The following MAP2K5 variants were observed in gnomAD, a reference collection of about 807,000 sequenced individuals.
MAP2K5 encodes mitogen-activated protein kinase kinase 5.
A neutral mutation model predicts 83.1 loss-of-function variants in MAP2K5; 49 were observed. That is an observed-to-expected ratio of 0.59 (90% CI 0.47 to 0.75). The LOEUF is 0.75. MAP2K5 is among the 30% of genes least tolerant of loss of function. MAP2K5 has a pLI of 0.00. For synonymous variants in MAP2K5, 202 were observed against 191.8 expected, an observed-to-expected ratio of 1.05 and a Z score of -0.44; for missense variants, 457 against 557.5, an observed-to-expected ratio of 0.82 and a Z score of 1.82.
In MAP2K5 at chr15:67,708,851, C is replaced by T. The variant is rs553134072; in HGVS notation, c.1044+5443C>T. On this transcript the variant is annotated intron_variant, in intron 16 of 21. Transcript: ENST00000178640. This position sits in a 1 kb window ranked among gnomAD's most constrained non-coding sequence, Gnocchi z 4.9. ...TACATTTATGCCTTAAGCAAAGAAACTTTAATATCAGACTATCTTTTATCC... is the reference window on the plus strand; with the variant it reads ...TACATTTATGCCTTAAGCAAAGAAATTTTAATATCAGACTATCTTTTATCC... 1.4e-3 allele frequency among the ~76,000 whole-genome samples: 210 copies of T among 152,008 alleles called. No homozygotes were observed. The highest frequency in any genetic ancestry group is 4.9e-3 in the African/African-American group (203 of 41,464).
At chr15:67,784,062 AG>A (rs1329699251) in intron 21 of MAP2K5, among the ~76,000 whole-genome samples, 34 of 152,326 alleles carry the variant, frequency 2.2e-4, no homozygotes, top group African/African-American at 7.9e-4. Context: ...TATTATATAG[AG>A]AGAAATGGAT....
At chr15:67,621,463 TTAA>T (rs2086185871) in intron 8 of MAP2K5, among the ~76,000 whole-genome samples, 1 of 127,750 alleles carries the variant, frequency 7.8e-6, no homozygotes, top group African/African-American at 2.8e-5. Context: ...CAAAAGTTAA[TTAA>T]GTGAAAATTC....
intron 3 of MAP2K5, among the ~76,000 whole-genome samples, chr15:67,574,156 G>C (rs781133067): frequency 2.6e-4 from 40 of 152,328 alleles, no homozygotes; most frequent in South Asian, 6.2e-4. Context: ...AGAGTGGCTT[G>C]GGGTAGAGAA....
chr15:67,792,966 C>T (rs2090544489), intron 21 of MAP2K5, among the ~76,000 whole-genome samples: 1 of 152,192 alleles, frequency 6.6e-6, no homozygotes, highest in South Asian at 2.1e-4. Flanking sequence ...CTAAAACTCA[C>T]ATGGCAACAT....
chr15:67,560,003 T>G (rs2084702875), intron 2 of MAP2K5, among the ~76,000 whole-genome samples: 1 of 152,252 alleles, frequency 6.6e-6, no homozygotes, highest in Admixed American at 6.5e-5. Flanking sequence ...TTCCAGCTAG[T>G]GTAATTTTTA....
Position 67,665,833 on chromosome 15 carries a change from T to C in MAP2K5, c.847+1188T>C, listed in dbSNP as rs1266977117. ...TACTTTCTCTGAGTATAAATAAGTG[T>C]GTAAACAAATTTGGTGGATGAAAAA... On this transcript the variant is annotated intron_variant, in intron 13 of 21. Coordinates refer to ENST00000178640, the MANE Select transcript of MAP2K5 (RefSeq NM_145160.3). This position sits in a 1 kb window ranked among gnomAD's most constrained non-coding sequence, Gnocchi z 4.2. Among the ~76,000 whole-genome samples the C allele has an allele frequency of 6.6e-6, 1 of 152,166 alleles. No homozygotes were observed. The highest frequency in any genetic ancestry group is 1.5e-5 in the Non-Finnish European group (1 of 68,024).
rs1043898322 is a variant in MAP2K5, at chr15:67,768,814, C to T, written c.1135-788C>T. The stretch of plus-strand genomic sequence containing the variant: ...AGCTGTTACACTATAAACACAGTGG[C>T]GCTCTCTGTCATTCTTGGAAAAACT... On this transcript the variant is annotated intron_variant, in intron 19 of 21. Coordinates refer to ENST00000178640, the MANE Select transcript of MAP2K5 (RefSeq NM_145160.3). This position sits in a 1 kb window ranked among gnomAD's most constrained non-coding sequence, Gnocchi z 4.0. Among the ~76,000 whole-genome samples, 5 of 152,222 alleles carry T rather than the reference C, an allele frequency of 3.3e-5. No individual in the cohort carries two copies. In the South Asian group the frequency reaches 6.2e-4, roughly 19 times the overall value.
intron 1 of MAP2K5, chr15:67,546,110 C>G (rs889923688): frequency 3.3e-5 from 5 of 152,250 alleles, no homozygotes; most frequent in African/African-American, 1.2e-4. Flanking sequence ...TCAGTGCTAT[C>G]TCCTAGTGCT....
Position 67,785,246 on chromosome 15 carries a change from C to T in MAP2K5, c.1242+12494C>T, listed in dbSNP as rs774546612. ...AGGTGTGAGCCACCGTGCCCGGCCC[C>T]GAACTGTTTCTTAAACACAGGAAGA... On this transcript the variant is annotated intron_variant, in intron 21 of 21. Transcript: ENST00000178640. The surrounding 1 kb of genome is among the most constrained non-coding windows in gnomAD (Gnocchi z 4.4). 2.0e-5 allele frequency among the ~76,000 whole-genome samples: 3 copies of T among 152,148 alleles called. No individual in the cohort carries two copies. Among genetic ancestry groups the T allele is most frequent in the Non-Finnish European group, 4.4e-5 (3 of 68,034 alleles).
intron 7 of MAP2K5, among the ~76,000 whole-genome samples, chr15:67,597,958 C>CT (rs1279308292): frequency 6.6e-6 from 1 of 152,102 alleles, no homozygotes; most frequent in Non-Finnish European, 1.5e-5. Flanking sequence ...AATCCTAGCA[C>CT]TTTTGGGAGG....
rs2141293572 is a variant in MAP2K5, at chr15:67,764,401, C to G, written c.1135-5201C>G. Among the ~76,000 whole-genome samples, 1 of 152,212 alleles carries G rather than the reference C, an allele frequency of 6.6e-6. No homozygotes were observed. The highest frequency in any genetic ancestry group is 2.1e-4 in the South Asian group (1 of 4,822). ...CGCTGCAGACTCTTTTACTTTATGC[C>G]CCATGACCCTCGTTTGTGAACTCGC... On this transcript the variant is annotated intron_variant, in intron 19 of 21. Transcript: ENST00000178640. The surrounding 1 kb of genome is among the most constrained non-coding windows in gnomAD (Gnocchi z 4.9).
intron 8 of MAP2K5, among the ~76,000 whole-genome samples, chr15:67,612,672 T>C (rs1011672647): frequency 2.0e-5 from 3 of 152,198 alleles, no homozygotes; most frequent in Non-Finnish European, 4.4e-5. Flanking sequence ...AAGTCTTTTA[T>C]GCACAAAAGT....
At chr15:67,669,725 T>C (rs2087480418) in intron 13 of MAP2K5, among the ~76,000 whole-genome samples, 2 of 152,264 alleles carry the variant, frequency 1.3e-5, no homozygotes, top group African/African-American at 2.4e-5. Flanking sequence ...TCAAGGTTGC[T>C]TAAATTGTTA....
chr15:67,570,040 G>T (rs1240844838), intron 3 of MAP2K5, among the ~76,000 whole-genome samples: 1 of 152,188 alleles, frequency 6.6e-6, no homozygotes, highest in East Asian at 1.9e-4. Context: ...GCTAACCAAG[G>T]TAATAACTCT....
intron 16 of MAP2K5, among the ~76,000 whole-genome samples, chr15:67,713,257 A>G (rs1952905411): frequency 6.6e-6 from 1 of 152,188 alleles, no homozygotes; most frequent in Admixed American, 6.5e-5. Flanking sequence ...AAATAATTGG[A>G]TATAACTACC....
chr15:67,659,054 T>A (rs1413021907), intron 12 of MAP2K5: 1 of 242,206 alleles, frequency 4.1e-6, no homozygotes, highest in Non-Finnish European at 8.2e-6. Flanking sequence ...AGTCTTTTTA[T>A]GTTCTTGGTT....
At position 67,608,348 on chromosome 15, in the gene MAP2K5, C is replaced by T. The variant is rs969710879; in HGVS notation, c.545+7599C>T. On this transcript the variant is annotated intron_variant, in intron 8 of 21. Coordinates refer to ENST00000178640, the MANE Select transcript of MAP2K5 (RefSeq NM_145160.3). ...GAGGGATTGGGGAATTGTGTCTGTT[C>T]AGTCCTCCTTCATTCATCTGTCCAG... 1.6e-4 allele frequency among the ~76,000 whole-genome samples: 24 copies of T among 152,208 alleles called. 1 individual carries two copies. The highest frequency in any genetic ancestry group is 5.5e-4 in the African/African-American group (23 of 41,456).
chr15:67,728,733 C>A (rs943441710), intron 17 of MAP2K5, among the ~76,000 whole-genome samples: 6 of 152,204 alleles, frequency 3.9e-5, no homozygotes, highest in Non-Finnish European at 7.3e-5. Context: ...GGTCTCTGCT[C>A]TTTAAGCATC....
chr15:67,704,807 T>C (rs569966430), intron 16 of MAP2K5, among the ~76,000 whole-genome samples: 1 of 152,340 alleles, frequency 6.6e-6, no homozygotes, highest in African/African-American at 2.4e-5. Flanking sequence ...GTTATACAAT[T>C]TCCTTTTGCA....
Sources: allele counts gnomAD v4.1 joint callset (sites outside exome capture counted in the v4.1 genomes callset), GRCh38; gene constraint gnomAD v4.1.1; non-coding constraint Gnocchi (gnomAD v3.1); transcripts MANE v1.5; gene names NCBI Gene and HGNC (gene_info 2026-07-23, HGNC 2026-07-21).